Variants in MAP4K5 observed in about 807,000 individuals in gnomAD.
MAP4K5 encodes MAPK/ERK kinase kinase kinase 5.
In MAP4K5, 82 loss-of-function variants were observed where a neutral mutation model predicts 135.6. The observed-to-expected ratio is 0.60, with a 90% confidence interval of 0.51 to 0.73. The LOEUF is 0.73. Among genes scored for constraint, MAP4K5 ranks in the 30% least tolerant of loss-of-function variants. The pLI, the probability that MAP4K5 is intolerant of heterozygous loss-of-function variation, is 0.00. For missense variants in MAP4K5, 907 were observed against 1,010.9 expected, an observed-to-expected ratio of 0.90 and a Z score of 1.39; for synonymous variants, 347 against 335.0, an observed-to-expected ratio of 1.04 and a Z score of -0.39.
chr14:50,458,360 G>A (rs1255151231), intron 13 of MAP4K5, among the ~76,000 whole-genome samples: 3 of 151,822 alleles, frequency 2.0e-5, no homozygotes, highest in Non-Finnish European at 4.4e-5. Flanking sequence ...TTCAAGCAAT[G>A]CCCCCCACCA....
chr14:50,438,437 A>C (rs2036148692), intron 23 of MAP4K5: 1 of 156,944 alleles, frequency 6.4e-6, no homozygotes, highest in African/African-American at 2.4e-5. Flanking sequence ...TTAACAAATT[A>C]CCTTGGATTA....
intron 2 of MAP4K5, among the ~76,000 whole-genome samples, chr14:50,517,775 C>CA (rs1391611545): frequency 6.6e-6 from 1 of 151,688 alleles, no homozygotes; most frequent in Non-Finnish European, 1.5e-5. Context: ...AACTCCGTCT[C>CA]AAAAAATAAA....
chr14:50,456,760 C>G, intron 13 of MAP4K5, 166 bp from the exon 14 acceptor site: 4 of 566,822 alleles, frequency 7.1e-6, no homozygotes, highest in South Asian at 4.6e-5. Flanking sequence ...AGTTTTTTCA[C>G]TTGTTCCATG....
intron 31 of MAP4K5, among the ~76,000 whole-genome samples, chr14:50,425,150 G>A (rs970775075): frequency 4.9e-5 from 2 of 40,772 alleles, no homozygotes; most frequent in African/African-American, 7.9e-5. Flanking sequence ...ACGTAAATGT[G>A]AAATGTCTCT....
intron 6 of MAP4K5, among the ~76,000 whole-genome samples, chr14:50,477,113 T>C (rs1203580275): frequency 1.3e-5 from 2 of 152,244 alleles, no homozygotes; most frequent in Non-Finnish European, 2.9e-5. Flanking sequence ...TTCTGGTTTG[T>C]GAACATGGTA....
intron 2 of MAP4K5, among the ~76,000 whole-genome samples, chr14:50,527,098 T>C (rs977397122): frequency 6.6e-6 from 1 of 152,218 alleles, no homozygotes; most frequent in Non-Finnish European, 1.5e-5. Context: ...TCCAGCACTT[T>C]GGGAGGCCAA....
At chr14:50,533,288 A>G (rs2038445120), upstream of MAP4K5, 2 of 151,824 alleles carry the variant, frequency 1.3e-5, no homozygotes, top group African/African-American at 2.4e-5. Context: ...TTCTGGTTCT[A>G]CCACTTCCTC....
chr14:50,518,207 G>A (rs1282694039), intron 2 of MAP4K5, among the ~76,000 whole-genome samples: 1 of 152,200 alleles, frequency 6.6e-6, no homozygotes, highest in Non-Finnish European at 1.5e-5. Context: ...GGACAAGGTA[G>A]GGGTTATATG....
intron 1 of MAP4K5, among the ~76,000 whole-genome samples, chr14:50,551,067 T>G (rs999051490): frequency 4.6e-5 from 7 of 151,278 alleles, no homozygotes; most frequent in Admixed American, 3.9e-4. Context: ...CAAAAAAAAT[T>G]CAAGACAGAT....
At chr14:50,466,853 C>T (rs564336925) in intron 10 of MAP4K5, among the ~76,000 whole-genome samples, 1 of 152,238 alleles carries the variant, frequency 6.6e-6, no homozygotes, top group African/African-American at 2.4e-5. Flanking sequence ...AAATTTCCAA[C>T]AAGTCCTTAT....
upstream of MAP4K5, among the ~76,000 whole-genome samples, chr14:50,537,598 G>A (rs2038511176): frequency 6.6e-6 from 1 of 152,246 alleles, no homozygotes; most frequent in Non-Finnish European, 1.5e-5. Flanking sequence ...AAAGCAGCCA[G>A]AGGGAGGCTG....
chr14:50,507,623 A>G (rs1442545773), intron 2 of MAP4K5, among the ~76,000 whole-genome samples: 1 of 152,172 alleles, frequency 6.6e-6, no homozygotes, highest in African/African-American at 2.4e-5. Context: ...GTCATTGAGG[A>G]GCAGGTTGTT....
chr14:50,427,546 T>C (rs2035873111), intron 30 of MAP4K5, among the ~76,000 whole-genome samples: 1 of 152,198 alleles, frequency 6.6e-6, no homozygotes, highest in South Asian at 2.1e-4. Context: ...AATCGTGTTT[T>C]TAAAAATATG....
intron 14 of MAP4K5, chr14:50,449,768 A>C (rs2036439689): frequency 6.6e-6 from 1 of 152,216 alleles, no homozygotes; most frequent in South Asian, 2.1e-4. Context: ...GACTTAACGT[A>C]ATTAAAAAAC....
chr14:50,516,854 T>C (rs2038044045), intron 2 of MAP4K5, among the ~76,000 whole-genome samples: 1 of 152,216 alleles, frequency 6.6e-6, no homozygotes, highest in Non-Finnish European at 1.5e-5. Context: ...TTCAGATCTC[T>C]AAATTCATTA....
intron 26 of MAP4K5, among the ~76,000 whole-genome samples, chr14:50,436,525 G>C (rs1017696534): frequency 2.0e-5 from 3 of 151,294 alleles, no homozygotes; most frequent in Non-Finnish European, 2.9e-5. Context: ...TGCATACTGA[G>C]ATCAGCAAGG....
At chr14:50,448,204 A>G (rs529800049) in intron 15 of MAP4K5, among the ~76,000 whole-genome samples, 2 of 152,040 alleles carry the variant, frequency 1.3e-5, no homozygotes, top group Admixed American at 6.6e-5. Flanking sequence ...TAGTAAAGAC[A>G]GGGTTCTGCC....
At chr14:50,495,020 A>T (rs981050126) in intron 3 of MAP4K5, among the ~76,000 whole-genome samples, 3 of 152,238 alleles carry the variant, frequency 2.0e-5, no homozygotes, top group Admixed American at 6.5e-5. Flanking sequence ...CAGATTTGGC[A>T]GTTATTTCTG....
Position 50,448,784 on chromosome 14 carries a change from C to A in MAP4K5, c.1064G>T (p.Arg355Leu). 6.4e-7 allele frequency: 1 copy of A among 1,561,592 alleles called. No individual in the cohort carries two copies. The highest frequency in any genetic ancestry group is 8.7e-7 in the Non-Finnish European group (1 of 1,148,872). ...EPPLRKETEARDEMGLSSDPN... is the reference protein window; with the variant it reads ...EPPLRKETEALDEMGLSSDPN... ...AAAATGAATTCTTACCATTTCATCT[C>A]GTGCTTCTGTTTCTTTTCTCAGAGG... Residue 355 changes from arginine (R) to leucine (L), a missense_variant, in exon 15 of 33, where the codon CGA becomes CTA. Arg to Leu is a moderately radical substitution (Grantham distance 102). Transcript: ENST00000682126.
Sources: gnomAD v4.1 joint callset for allele counts (sites outside exome capture counted in the v4.1 genomes callset) on GRCh38, gnomAD v4.1.1 for gene constraint, MANE v1.5 for transcripts, NCBI Gene and HGNC (gene_info 2026-07-23, HGNC 2026-07-21) for gene names.